The following RABGAP1L variants were observed in gnomAD, a reference collection of about 807,000 sequenced individuals.
The protein encoded by RABGAP1L is RAB GTPase activating protein 1 like.
Under a neutral mutation model 137.7 loss-of-function variants are expected in RABGAP1L, and 63 were observed. That is an observed-to-expected ratio of 0.46 (90% CI 0.37 to 0.56). The LOEUF (loss-of-function observed/expected upper bound fraction) is 0.56. RABGAP1L is among the 20% of genes least tolerant of loss of function. The probability of loss-of-function intolerance (pLI) is 0.00; values close to 1 mark genes in which losing one functional copy is unlikely to be tolerated. For missense variants in RABGAP1L, 1,095 were observed against 1,244.0 expected (o/e 0.88, Z 1.80); for synonymous variants, 431 against 433.7 (o/e 0.99, Z 0.08).
At chr1:174,856,425 AAAGT>A (rs1412896365) in intron 19 of RABGAP1L, among the ~76,000 whole-genome samples, 1 of 151,808 alleles carries the variant, frequency 6.6e-6, no homozygotes, top group Non-Finnish European at 1.5e-5. Flanking sequence ...AAAAGAAAAG[AAAGT>A]AAGACAACTT....
At chr1:174,644,238 C>A (rs1674771518) in intron 14 of RABGAP1L, among the ~76,000 whole-genome samples, 1 of 151,978 alleles carries the variant, frequency 6.6e-6, no homozygotes, top group African/African-American at 2.4e-5. Context: ...TTATAATACT[C>A]TTCAGAGTGC....
intron 11 of RABGAP1L, among the ~76,000 whole-genome samples, chr1:174,313,374 A>G (rs1679049505): frequency 6.6e-6 from 1 of 152,216 alleles, no homozygotes; most frequent in African/African-American, 2.4e-5. Flanking sequence ...TGGAGCCTTT[A>G]GGGTTTTCCA....
chr1:174,840,300 A>G (rs958448821), intron 19 of RABGAP1L, among the ~76,000 whole-genome samples: 3 of 152,246 alleles, frequency 2.0e-5, no homozygotes, highest in African/African-American at 7.2e-5. Flanking sequence ...GCAACATGGT[A>G]GAAACATGAA....
At chr1:174,348,413 C>T (rs1682653461) in intron 11 of RABGAP1L, among the ~76,000 whole-genome samples, 1 of 150,864 alleles carries the variant, frequency 6.6e-6, no homozygotes, top group Non-Finnish European at 1.5e-5. Context: ...TGCCCCACTT[C>T]TAAACTTTTT....
intron 18 of RABGAP1L, among the ~76,000 whole-genome samples, chr1:174,796,543 C>A (rs1375710072): frequency 6.6e-6 from 1 of 151,934 alleles, no homozygotes; most frequent in Non-Finnish European, 1.5e-5. Flanking sequence ...AGGACCAGGG[C>A]AGAAATGATG....
At chr1:174,200,474 C>T (rs1668017730) in intron 1 of RABGAP1L, among the ~76,000 whole-genome samples, 1 of 152,124 alleles carries the variant, frequency 6.6e-6, no homozygotes, top group South Asian at 2.1e-4. Flanking sequence ...TCCTAGAAAA[C>T]ATGTATATAC....
rs1296497135 is a variant in RABGAP1L, at chr1:174,349,656, C to T, written c.1466-21323C>T. Among the ~76,000 whole-genome samples, 666 of 133,432 alleles carry T rather than the reference C, an allele frequency of 5.0e-3. 4 individuals are homozygous for T. The highest frequency in any genetic ancestry group is 0.017 in the African/African-American group (628 of 35,994). 87.5% of individuals were successfully genotyped at this position (133,432 alleles called of 152,430 possible). ...GGGGCTGACCCCCCCACCTCCCTCC[C>T]GGACGAGGCGGCTGGCCGGGCGTGG... On this transcript the variant is annotated intron_variant, in intron 11 of 25. Coordinates refer to ENST00000681986, the MANE Select transcript of RABGAP1L (RefSeq NM_001366446.1).
At chr1:174,495,989 G>C (rs779968307) in intron 13 of RABGAP1L, among the ~76,000 whole-genome samples, 5 of 152,144 alleles carry the variant, frequency 3.3e-5, no homozygotes, top group Non-Finnish European at 7.3e-5. Context: ...AGTGTGCTGG[G>C]ATTACAGATG....
intron 14 of RABGAP1L, among the ~76,000 whole-genome samples, chr1:174,649,078 T>C (rs984021563): frequency 2.0e-5 from 3 of 152,140 alleles, no homozygotes; most frequent in Non-Finnish European, 4.4e-5. Flanking sequence ...TCTCTTTATT[T>C]TGAGCCTGTC....
At chr1:174,399,781 A>G (rs1648324921) in intron 13 of RABGAP1L, among the ~76,000 whole-genome samples, 1 of 152,138 alleles carries the variant, frequency 6.6e-6, no homozygotes, top group African/African-American at 2.4e-5. Flanking sequence ...GAAATGCCAG[A>G]TGCTTATAAA....
chr1:174,725,629 A>G (rs746157311), intron 17 of RABGAP1L, among the ~76,000 whole-genome samples: 36 of 151,654 alleles, frequency 2.4e-4, no homozygotes, highest in Non-Finnish European at 4.4e-4. Flanking sequence ...AAAAGAGTGC[A>G]GGTGCCTTAT....
At chr1:174,390,741 A>C (rs1231379437) in intron 12 of RABGAP1L, among the ~76,000 whole-genome samples, 2 of 152,148 alleles carry the variant, frequency 1.3e-5, no homozygotes, top group East Asian at 3.9e-4. Flanking sequence ...GTGGATTAGT[A>C]ATAGATGATG....
chr1:174,384,296 T>C (rs1387725353), intron 12 of RABGAP1L, among the ~76,000 whole-genome samples: 1 of 152,132 alleles, frequency 6.6e-6, no homozygotes, highest in Non-Finnish European at 1.5e-5. Context: ...GTCCAGGGAA[T>C]TTGGGTATGG....
At chr1:174,260,719 T>C (rs1481872833) in intron 7 of RABGAP1L, among the ~76,000 whole-genome samples, 1 of 152,244 alleles carries the variant, frequency 6.6e-6, no homozygotes, top group Non-Finnish European at 1.5e-5. Context: ...TTGATATGTA[T>C]TTTTAAAGCC....
intron 1 of RABGAP1L, among the ~76,000 whole-genome samples, chr1:174,209,109 G>T (rs1278855553): frequency 1.3e-5 from 2 of 152,156 alleles, no homozygotes. Context: ...ACACAGTAGG[G>T]TTCACACTCC....
intron 19 of RABGAP1L, among the ~76,000 whole-genome samples, chr1:174,941,183 G>A (rs1209263351): frequency 6.6e-6 from 1 of 152,128 alleles, no homozygotes; most frequent in Non-Finnish European, 1.5e-5. Flanking sequence ...CCCTCTCATA[G>A]CCCTATCCTA....
chr1:174,804,776 C>T (rs754330319), intron 18 of RABGAP1L, among the ~76,000 whole-genome samples: 33 of 152,120 alleles, frequency 2.2e-4, no homozygotes, highest in Non-Finnish European at 4.1e-4. Context: ...TGTCCCTTTT[C>T]GTAGCCATTT....
intron 20 of RABGAP1L, among the ~76,000 whole-genome samples, chr1:174,963,554 G>GT (rs1369919872): frequency 1.3e-5 from 2 of 151,420 alleles, no homozygotes; most frequent in Non-Finnish European, 2.9e-5. Context: ...TTTCTTTTCT[G>GT]TTTAAGTATT....
At chr1:174,437,745 G>T (rs1480483223) in intron 13 of RABGAP1L, among the ~76,000 whole-genome samples, 3 of 152,068 alleles carry the variant, frequency 2.0e-5, no homozygotes, top group African/African-American at 7.2e-5. Context: ...CTCGAGAAGA[G>T]CAACTCCAAG....
Sources: allele counts gnomAD v4.1 joint callset (sites outside exome capture counted in the v4.1 genomes callset), GRCh38; gene constraint gnomAD v4.1.1; transcripts MANE v1.5; gene names NCBI Gene and HGNC (gene_info 2026-07-23, HGNC 2026-07-21).